The following LY96 variants were observed in gnomAD, a reference collection of about 807,000 sequenced individuals.
LY96 encodes the protein lymphocyte antigen 96, also known as myeloid differentiation protein-2.
LY96 carries 18 observed loss-of-function variants against 18.9 expected under a neutral mutation model. The observed-to-expected ratio is 0.95, with a 90% CI of 0.66 to 1.41. The LOEUF (loss-of-function observed/expected upper bound fraction) is 1.41. Among genes scored for constraint, LY96 ranks in the 40% most tolerant of loss-of-function variants. LY96 has a pLI of 0.00. For missense variants in LY96, 175 were observed against 182.4 expected, an observed-to-expected ratio of 0.96 and a Z score of 0.23; for synonymous variants, 66 against 62.6, an observed-to-expected ratio of 1.06 and a Z score of -0.26.
At chr8:74,030,212 C>T (rs1424675731), downstream of LY96, among the ~76,000 whole-genome samples, 3 of 151,966 alleles carry the variant, frequency 2.0e-5, no homozygotes, top group Admixed American at 2.0e-4. Context: ...AGTTGTTTAC[C>T]AAGAATTTAC....
intron 1 of LY96, among the ~76,000 whole-genome samples, chr8:73,993,021 ATT>A (rs1213341344): frequency 2.1e-5 from 3 of 142,654 alleles, no homozygotes; most frequent in Non-Finnish European, 4.6e-5. Context: ...CACCCGGCTA[ATT>A]TTTTTTTTTT....
intron 1 of LY96, among the ~76,000 whole-genome samples, chr8:74,001,741 G>A (rs1165151352): frequency 6.6e-6 from 1 of 151,926 alleles, no homozygotes; most frequent in East Asian, 1.9e-4. Flanking sequence ...CTCAGCTATT[G>A]GCAAGAGGAT....
At chr8:74,047,638 T>G in the LY96 span, among the ~76,000 whole-genome samples, 2 of 152,218 alleles carry the variant, frequency 1.3e-5, no homozygotes, top group Admixed American at 6.5e-5. Context: ...CTCTCTGACC[T>G]GGCTTTGCGT....
At chr8:74,040,141 A>G in the LY96 span, among the ~76,000 whole-genome samples, 1 of 152,228 alleles carries the variant, frequency 6.6e-6, no homozygotes, top group Non-Finnish European at 1.5e-5. Context: ...AGTTATTCCT[A>G]GGTTATATTA....
chr8:74,032,401 T>G (rs1816985618), downstream of LY96, among the ~76,000 whole-genome samples: 3 of 152,216 alleles, frequency 2.0e-5, no homozygotes, highest in Admixed American at 1.3e-4. Context: ...CTGGTAAAGA[T>G]CAACCCCTGA....
At chr8:74,096,822 G>T in the LY96 span, among the ~76,000 whole-genome samples, 1 of 152,140 alleles carries the variant, frequency 6.6e-6, no homozygotes, top group African/African-American at 2.4e-5. Context: ...TGCTCCCAGG[G>T]TGATGTGAAT....
chr8:74,085,462 A>G, the LY96 span, among the ~76,000 whole-genome samples: 3 of 152,234 alleles, frequency 2.0e-5, no homozygotes, highest in African/African-American at 7.2e-5. Flanking sequence ...TCATTGTGTC[A>G]GTGTGTACAG....
the LY96 span, among the ~76,000 whole-genome samples, chr8:74,050,735 A>G: frequency 1.3e-5 from 2 of 152,288 alleles, no homozygotes; most frequent in Admixed American, 6.5e-5. Context: ...AACGTTATCT[A>G]AGACTCAGCT....
the LY96 span, among the ~76,000 whole-genome samples, chr8:74,054,617 C>CTTTCTTTCT: frequency 1.2e-3 from 87 of 70,172 alleles, 1 homozygote; most frequent in African/African-American, 3.6e-3. Context: ...TTTCCTTTTC[C>CTTTCTTTCT]TTCTTTCTTT....
chr8:74,091,873 C>G, the LY96 span, among the ~76,000 whole-genome samples: 3 of 152,188 alleles, frequency 2.0e-5, no homozygotes, highest in Admixed American at 2.0e-4. Context: ...TCCTTGAAGT[C>G]CTTCCATCCA....
At chr8:74,067,062 T>C in the LY96 span, among the ~76,000 whole-genome samples, 3 of 152,224 alleles carry the variant, frequency 2.0e-5, no homozygotes, top group Admixed American at 2.0e-4. Context: ...TTGTGACTCA[T>C]GTAGCAAGCT....
intron 2 of LY96, among the ~76,000 whole-genome samples, chr8:74,008,409 A>C (rs1816460815): frequency 6.6e-6 from 1 of 152,188 alleles, no homozygotes; most frequent in Non-Finnish European, 1.5e-5. Flanking sequence ...CTTTTGGAGA[A>C]GTTCAAGCCC....
the LY96 span, among the ~76,000 whole-genome samples, chr8:74,048,452 A>G: frequency 6.6e-6 from 1 of 151,994 alleles, no homozygotes; most frequent in African/African-American, 2.4e-5. Context: ...GGGTGGGCCT[A>G]AGCAGGCCAG....
intron 2 of LY96, among the ~76,000 whole-genome samples, chr8:74,008,068 T>C (rs1816451977): frequency 1.3e-5 from 2 of 152,304 alleles, no homozygotes; most frequent in Non-Finnish European, 2.9e-5. Flanking sequence ...CCCATGTTTC[T>C]TGTCTCTCAC....
rs145870196 is a variant in LY96 at position 74,010,488 on chromosome 8, A to G, written c.331+359A>G. Among the ~76,000 whole-genome samples, 8 of 152,098 alleles carry G rather than the reference A, an allele frequency of 5.3e-5. No individual in the cohort carries two copies. The East Asian group carries it at 1.5e-3, about 29-fold the overall frequency. On this transcript the variant is annotated intron_variant, in intron 3 of 4. Coordinates refer to ENST00000284818, the MANE Select transcript of LY96 (RefSeq NM_015364.5). ...ATCTTGCACCAAGGGATAAAAAAAT[A>G]AAAAATAAAAATGAATAAAAAAAAG...
intron 4 of LY96, among the ~76,000 whole-genome samples, chr8:74,027,752 A>G (rs1290469063): frequency 1.3e-5 from 2 of 152,338 alleles, no homozygotes; most frequent in Admixed American, 6.5e-5. Flanking sequence ...GTCTATGTGT[A>G]AGTGTGCATT....
At chr8:74,054,954 T>A in the LY96 span, among the ~76,000 whole-genome samples, 1 of 152,140 alleles carries the variant, frequency 6.6e-6, no homozygotes, top group Non-Finnish European at 1.5e-5. Flanking sequence ...TTGCCTAGGC[T>A]GGAGTGCAGT....
At chr8:74,085,513 C>T in the LY96 span, among the ~76,000 whole-genome samples, 1,192 of 152,266 alleles carry the variant, frequency 7.8e-3, 17 homozygotes, top group African/African-American at 0.026. Context: ...GATTTGTCAC[C>T]GGAGTGTCAT....
chr8:74,063,450 TA>T, the LY96 span, among the ~76,000 whole-genome samples: 1,051 of 152,158 alleles, frequency 6.9e-3, 4 homozygotes, highest in Non-Finnish European at 0.011. Context: ...CCTTTGTGTT[TA>T]AAAAAAATTT....
Sources: allele counts gnomAD v4.1 joint callset (sites outside exome capture counted in the v4.1 genomes callset), GRCh38; gene constraint gnomAD v4.1.1; transcripts MANE v1.5; gene names NCBI Gene and HGNC (gene_info 2026-07-23, HGNC 2026-07-21).